Variants in CADM2 observed in about 807,000 individuals in gnomAD.
The protein encoded by CADM2 is cell adhesion molecule 2.
In CADM2, 12 loss-of-function variants were observed where a neutral mutation model predicts 49.8. That is an observed-to-expected ratio of 0.24 (90% CI 0.15 to 0.39). The LOEUF (loss-of-function observed/expected upper bound fraction) is 0.39, where lower values mean the gene tolerates loss of function less well. Ranked by LOEUF, CADM2 falls within the 10% of genes least tolerant of loss-of-function variation. The pLI, the probability that CADM2 is intolerant of heterozygous loss-of-function variation, is 1.00. For missense variants in CADM2, 378 were observed against 492.3 expected, an observed-to-expected ratio of 0.77 and a Z score of 2.20; for synonymous variants, 214 against 175.4, an observed-to-expected ratio of 1.22 and a Z score of -1.74.
chr3:86,017,078 C>T (rs1260075561), intron 8 of CADM2, among the ~76,000 whole-genome samples: 1 of 150,608 alleles, frequency 6.6e-6, no homozygotes, highest in Non-Finnish European at 1.5e-5. Flanking sequence ...TTTTACAGAC[C>T]CATTTCTGTG....
intron 1 of CADM2, among the ~76,000 whole-genome samples, chr3:85,018,837 A>C (rs1294651185): frequency 6.6e-6 from 1 of 152,178 alleles, no homozygotes; most frequent in African/African-American, 2.4e-5. Flanking sequence ...CAACTCCAAA[A>C]TATCAATGAA....
chr3:85,157,955 A>G (rs1345072273), intron 1 of CADM2, among the ~76,000 whole-genome samples: 2 of 152,002 alleles, frequency 1.3e-5, no homozygotes, highest in African/African-American at 2.4e-5. Flanking sequence ...ACAAAGGGCT[A>G]ATATCCAGAA....
At chr3:85,714,832 C>CCTTTACAT (rs748971518) in intron 1 of CADM2, among the ~76,000 whole-genome samples, 9 of 152,056 alleles carry the variant, frequency 5.9e-5, no homozygotes, top group Non-Finnish European at 1.0e-4. Flanking sequence ...TGGGTAATCT[C>CCTTTACAT]CAGGTGGTGG....
intron 1 of CADM2, among the ~76,000 whole-genome samples, chr3:85,179,769 A>G (rs1309115515): frequency 6.6e-6 from 1 of 152,140 alleles, no homozygotes; most frequent in Non-Finnish European, 1.5e-5. Flanking sequence ...AAACACAACT[A>G]AATTTAGTTT....
At chr3:85,108,308 C>T (rs1300117815) in intron 1 of CADM2, among the ~76,000 whole-genome samples, 3 of 152,110 alleles carry the variant, frequency 2.0e-5, no homozygotes, top group African/African-American at 7.2e-5. Context: ...AAACAAATGT[C>T]TGTAAATGGT....
At chr3:85,632,921 G>C (rs889447925) in intron 1 of CADM2, among the ~76,000 whole-genome samples, 2 of 151,818 alleles carry the variant, frequency 1.3e-5, no homozygotes, top group African/African-American at 2.4e-5. Flanking sequence ...TAACAGAATA[G>C]ATTTTATCTA....
intron 6 of CADM2, among the ~76,000 whole-genome samples, chr3:85,930,641 A>G (rs1720468227): frequency 6.6e-6 from 1 of 151,688 alleles, no homozygotes; most frequent in African/African-American, 2.4e-5. Flanking sequence ...CCATCCTTCT[A>G]CTCTCTATGA....
intron 1 of CADM2, among the ~76,000 whole-genome samples, chr3:85,257,398 C>T (rs1033368272): frequency 6.6e-6 from 1 of 151,972 alleles, no homozygotes; most frequent in Non-Finnish European, 1.5e-5. Flanking sequence ...GAAAACCCAC[C>T]TGGAATGGTG....
chr3:85,171,104 A>C (rs533823583), intron 1 of CADM2, among the ~76,000 whole-genome samples: 1 of 152,210 alleles, frequency 6.6e-6, no homozygotes, highest in Non-Finnish European at 1.5e-5. Context: ...GCATATAGAA[A>C]AAAATGTTAA....
chr3:85,467,216 C>T (rs1458080107), intron 1 of CADM2, among the ~76,000 whole-genome samples: 1 of 152,130 alleles, frequency 6.6e-6, no homozygotes, highest in Non-Finnish European at 1.5e-5. Context: ...TATTTTTAAA[C>T]TACTCCTTAG....
At chr3:85,982,037 A>T (rs1038221300) in intron 8 of CADM2, among the ~76,000 whole-genome samples, 1 of 151,656 alleles carries the variant, frequency 6.6e-6, no homozygotes, top group African/African-American at 2.4e-5. Context: ...ACTTTTTAAT[A>T]GCAGTCATTC....
intron 1 of CADM2, among the ~76,000 whole-genome samples, chr3:85,581,396 T>C (rs539858940): frequency 1.6e-4 from 24 of 148,130 alleles, no homozygotes; most frequent in African/African-American, 5.7e-4. Context: ...ACGTAAGAAT[T>C]AGAAAAAATT....
intron 1 of CADM2, among the ~76,000 whole-genome samples, chr3:85,234,160 G>T (rs188859081): frequency 1.3e-5 from 2 of 152,124 alleles, no homozygotes; most frequent in East Asian, 3.9e-4. Context: ...GCAAGGACTT[G>T]AACTTTGATT....
chr3:85,407,407 T>C (rs2035435833), intron 1 of CADM2, among the ~76,000 whole-genome samples: 2 of 152,208 alleles, frequency 1.3e-5, no homozygotes, highest in African/African-American at 4.8e-5. Flanking sequence ...TTTTTGTAGA[T>C]ACCTCGTTTC....
chr3:85,128,105 A>G lies in CADM2; in HGVS notation c.61+168437A>G, dbSNP rs569565920. Among the ~76,000 whole-genome samples, 200 of 152,258 alleles carry G rather than the reference A, an allele frequency of 1.3e-3. 1 individual carries two copies. Among genetic ancestry groups the G allele is most frequent in the African/African-American group, 4.4e-3 (182 of 41,540 alleles). On this transcript the variant is annotated intron_variant, in intron 1 of 9. Transcript: ENST00000383699. ...AGAAAGTTTATTGAATGGTGCTTAT[A>G]TATGTTTTTATTGAGAAATAATGCA...
At chr3:85,385,806 T>TTTC in intron 1 of CADM2, 1 of 151,930 alleles carries the variant, frequency 6.6e-6, no homozygotes, top group East Asian at 2.0e-4. Context: ...CTCTCTTTTT[T>TTTC]TTTTTTTTTG....
intron 5 of CADM2, among the ~76,000 whole-genome samples, chr3:85,890,491 G>A (rs1714277285): frequency 6.6e-6 from 1 of 152,062 alleles, no homozygotes; most frequent in Non-Finnish European, 1.5e-5. Context: ...CATTGTCATG[G>A]TTAGATTTTA....
intron 1 of CADM2, among the ~76,000 whole-genome samples, chr3:85,119,832 A>G (rs2038788420): frequency 6.6e-6 from 1 of 152,128 alleles, no homozygotes; most frequent in African/African-American, 2.4e-5. Flanking sequence ...AATGCTTGTG[A>G]ATTTTGCACA....
chr3:85,823,463 C>T (rs968864481), intron 3 of CADM2, among the ~76,000 whole-genome samples: 1 of 152,034 alleles, frequency 6.6e-6, no homozygotes, highest in African/African-American at 2.4e-5. Flanking sequence ...CAAAAACAAA[C>T]CACAAACCAC....
Sources: allele counts gnomAD v4.1 joint callset (sites outside exome capture counted in the v4.1 genomes callset), GRCh38; gene constraint gnomAD v4.1.1; transcripts MANE v1.5; gene names NCBI Gene and HGNC (gene_info 2026-07-23, HGNC 2026-07-21).